CLASP1: variants seen among roughly 807,000 people sequenced by gnomAD.
The protein encoded by CLASP1 is cytoplasmic linker associated protein 1.
Under a neutral mutation model 192.3 loss-of-function variants are expected in CLASP1, and 38 were observed. That is an observed-to-expected ratio of 0.20 (90% confidence interval 0.15 to 0.26). The LOEUF is 0.26. Ranked by LOEUF, CLASP1 falls within the 10% of genes least tolerant of loss-of-function variation. The pLI is 1.00. For synonymous variants in CLASP1, 691 were observed against 712.8 expected, an observed-to-expected ratio of 0.97 and a Z score of 0.49; for missense variants, 1,433 against 1,932.5, an observed-to-expected ratio of 0.74 and a Z score of 4.85.
At chr2:121,386,969 G>C (rs1266152143) in intron 32 of CLASP1, among the ~76,000 whole-genome samples, 153 bp downstream of exon 33, 1 of 152,170 alleles carries the variant, frequency 6.6e-6, no homozygotes, top group Non-Finnish European at 1.5e-5. Flanking sequence ...AGATTATACA[G>C]TTACAATTTG....
intron 37 of CLASP1, among the ~76,000 whole-genome samples, chr2:121,351,904 T>C (rs1457241040): frequency 6.6e-6 from 1 of 152,246 alleles, no homozygotes; most frequent in Non-Finnish European, 1.5e-5. Flanking sequence ...GATTCTTTCC[T>C]CTCATTTGTG....
intron 19 of CLASP1, among the ~76,000 whole-genome samples, chr2:121,433,438 G>A (rs1385545696): frequency 1.3e-5 from 2 of 151,362 alleles, no homozygotes; most frequent in African/African-American, 2.4e-5. Context: ...TTTTTCTCCC[G>A]AATTTAAACT....
At chr2:121,491,340 T>C (rs1437351640) in intron 8 of CLASP1, among the ~76,000 whole-genome samples, 1 of 152,254 alleles carries the variant, frequency 6.6e-6, no homozygotes, top group Non-Finnish European at 1.5e-5. Flanking sequence ...AAGATGATAG[T>C]TTGTATCTTT....
chr2:121,462,324 C>G (rs2088251594), intron 10 of CLASP1, among the ~76,000 whole-genome samples: 1 of 152,050 alleles, frequency 6.6e-6, no homozygotes, highest in African/African-American at 2.4e-5. Flanking sequence ...AATAGAGCAA[C>G]CAATGTCTTT....
At chr2:121,383,205 T>C (rs2072201664) in intron 32 of CLASP1, among the ~76,000 whole-genome samples, 1 of 152,174 alleles carries the variant, frequency 6.6e-6, no homozygotes, top group Non-Finnish European at 1.5e-5. Flanking sequence ...ATGGCATCAG[T>C]GCCAGGGTGC....
At chr2:121,492,326 T>A (rs1337139541) in intron 8 of CLASP1, among the ~76,000 whole-genome samples, 2 of 146,386 alleles carry the variant, frequency 1.4e-5, no homozygotes, top group East Asian at 4.0e-4. Context: ...GAGGCGGAGC[T>A]TGCAGTGAGC....
At chr2:121,547,069 C>A (rs1486691732) in intron 2 of CLASP1, among the ~76,000 whole-genome samples, 1 of 152,160 alleles carries the variant, frequency 6.6e-6, no homozygotes, top group African/African-American at 2.4e-5. Context: ...GCAACTGGGA[C>A]TGGAGTGGAC....
intron 1 of CLASP1, among the ~76,000 whole-genome samples, chr2:121,642,081 A>G (rs1009655180): frequency 6.6e-6 from 1 of 152,144 alleles, no homozygotes; most frequent in African/African-American, 2.4e-5. Context: ...AAAAGAAACT[A>G]TACAAAAAAG....
exon 17 of CLASP1, chr2:121,449,120 T>C (rs972961810): frequency 1.2e-6 from 2 of 1,613,524 alleles, no homozygotes; most frequent in South Asian, 1.1e-5. Flanking sequence ...CCCAGTAACA[T>C]CTAGAGGAAA....
At chr2:121,431,036 G>A (rs994011876) in intron 19 of CLASP1, among the ~76,000 whole-genome samples, 1 of 150,490 alleles carries the variant, frequency 6.6e-6, no homozygotes, top group East Asian at 1.9e-4. Context: ...CTCTCCGGCC[G>A]TAACTCAATG....
intron 34 of CLASP1, among the ~76,000 whole-genome samples, chr2:121,371,404 A>AT (rs879670440): frequency 0.01 from 1,485 of 144,090 alleles, 15 homozygotes; most frequent in African/African-American, 0.029. Flanking sequence ...GATAAATTAA[A>AT]TTTTTTTTTT....
At chr2:121,599,516 A>T (rs550477370) in intron 2 of CLASP1, among the ~76,000 whole-genome samples, 1 of 136,586 alleles carries the variant, frequency 7.3e-6, no homozygotes, top group South Asian at 2.5e-4. Flanking sequence ...TGAACCCAGG[A>T]GGTGGAGGTT....
At chr2:121,389,455 AT>A (rs924256101) in intron 30 of CLASP1, among the ~76,000 whole-genome samples, 107 of 151,010 alleles carry the variant, frequency 7.1e-4, no homozygotes, top group African/African-American at 2.5e-3. Context: ...TAACCTGCAT[AT>A]TTTTAAAAAA....
At chr2:121,644,111 A>G (rs2072666246) in intron 1 of CLASP1, among the ~76,000 whole-genome samples, 1 of 152,180 alleles carries the variant, frequency 6.6e-6, no homozygotes, top group Non-Finnish European at 1.5e-5. Context: ...ACAACAACCT[A>G]TAGGTAGGTG....
intron 19 of CLASP1, among the ~76,000 whole-genome samples, chr2:121,437,534 A>G (rs1362258293): frequency 1.3e-5 from 2 of 152,108 alleles, no homozygotes; most frequent in South Asian, 4.1e-4. Flanking sequence ...ACTTAAAATG[A>G]TTTATCTATT....
In CLASP1 at chr2:121,435,319, G is replaced by A. The variant is rs866838486; in HGVS notation, c.1913-5142C>T. Among the ~76,000 whole-genome samples, 14 of 152,076 alleles carry A rather than the reference G, an allele frequency of 9.2e-5. No homozygotes were observed. In the South Asian group the frequency reaches 1.5e-3, roughly 16 times the overall value. On this transcript the variant is annotated intron_variant, in intron 19 of 39. Coordinates refer to ENST00000263710, the Ensembl canonical transcript of CLASP1. ...GGCAGAGTTTCGTTCTCGTTGCCCAGGCTGGAGTTCAATGGCGCAATCTGG... is the reference window on the plus strand; with the variant it reads ...GGCAGAGTTTCGTTCTCGTTGCCCAAGCTGGAGTTCAATGGCGCAATCTGG...
chr2:121,429,192 G>A (rs1027418281), intron 20 of CLASP1, among the ~76,000 whole-genome samples: 1 of 152,142 alleles, frequency 6.6e-6, no homozygotes, highest in Non-Finnish European at 1.5e-5. Context: ...TCTATACTAA[G>A]GGAGCTCTTA....
chr2:121,516,795 G>A (rs1245751767), intron 6 of CLASP1, among the ~76,000 whole-genome samples: 2 of 151,678 alleles, frequency 1.3e-5, no homozygotes, highest in Non-Finnish European at 2.9e-5. Context: ...TTGGGAGGCC[G>A]AAGCGGGCAG....
chr2:121,633,514 A>T (rs2070207386), intron 1 of CLASP1, among the ~76,000 whole-genome samples: 2 of 152,188 alleles, frequency 1.3e-5, no homozygotes. Flanking sequence ...AAGAGTCCTG[A>T]TTTCATCAAC....
Sources: allele counts gnomAD v4.1 joint callset (sites outside exome capture counted in the v4.1 genomes callset), GRCh38; gene constraint gnomAD v4.1.1; transcripts MANE v1.5; gene names NCBI Gene and HGNC (gene_info 2026-07-23, HGNC 2026-07-21).